Variants in CSMD3 observed in about 807,000 individuals in gnomAD.
CSMD3 encodes CUB and sushi domain-containing protein 3.
In CSMD3, 177 loss-of-function variants were observed where a neutral mutation model predicts 435.2. That is an observed-to-expected ratio of 0.41 (90% CI 0.36 to 0.46). CSMD3 has a LOEUF of 0.46. CSMD3 is among the 20% of genes least tolerant of loss of function. The pLI is 0.34. For missense variants in CSMD3, 4,265 were observed against 4,504.6 expected (o/e 0.95, Z 1.52); for synonymous variants, 1,656 against 1,520.5 (o/e 1.09, Z -2.07).
chr8:112,236,939 T>C (rs773753645), intron 67 of CSMD3, among the ~76,000 whole-genome samples: 1 of 152,154 alleles, frequency 6.6e-6, no homozygotes, highest in South Asian at 2.1e-4. Flanking sequence ...ATCTAATATA[T>C]GACATCTAAT....
chr8:112,947,295 T>A (rs1034483594), intron 9 of CSMD3, among the ~76,000 whole-genome samples: 18 of 151,838 alleles, frequency 1.2e-4, no homozygotes, highest in African/African-American at 4.3e-4. Context: ...AATACTAATT[T>A]GTGATGGATA....
intron 10 of CSMD3, among the ~76,000 whole-genome samples, chr8:112,872,077 A>G (rs2081152023): frequency 6.6e-6 from 1 of 152,072 alleles, no homozygotes; most frequent in Non-Finnish European, 1.5e-5. Context: ...TGTTCTCTGA[A>G]TCAATTAGAA....
chr8:112,554,888 G>A lies in CSMD3; in HGVS notation c.4234+1875C>T, dbSNP rs140080819. ...AGAAAAGTTTCCTTATTTGACTGAG[G>A]CTAAAACATAGCTGTAGAAGATATT... On this transcript the variant is annotated intron_variant, in intron 25 of 70. Coordinates refer to ENST00000297405, the MANE Select transcript of CSMD3 (RefSeq NM_198123.2). Among the ~76,000 whole-genome samples, 77 of 151,990 alleles carry A rather than the reference G, an allele frequency of 5.1e-4. 2 individuals are homozygous for A. The East Asian group carries it at 7.9e-3, about 16-fold the overall frequency.
At chr8:112,255,693 T>C (rs1171921156) in intron 61 of CSMD3, 13 of 446,772 alleles carry the variant, frequency 2.9e-5, no homozygotes, top group Non-Finnish European at 3.6e-5. Flanking sequence ...TTTTGTACTT[T>C]TGTCGTTTTG....
At chr8:112,650,443 G>T (rs2075096422) in intron 18 of CSMD3, 94 bp from the exon 19 acceptor site, 1 of 1,018,128 alleles carries the variant, frequency 9.8e-7, no homozygotes, top group Non-Finnish European at 1.5e-6. Context: ...TACAAGCAAT[G>T]ATTTTTACAA....
At position 113,005,949 on chromosome 8, in the gene CSMD3, A is replaced by G. The variant is rs1196954176; in HGVS notation, c.1030+13118T>C. ...AAATTTTTCCAAACTGCAGCTTACT[A>G]CATGAGTCACACAAGGACAGCTAGC... On this transcript the variant is annotated intron_variant, in intron 6 of 70. Coordinates refer to ENST00000297405, the MANE Select transcript of CSMD3 (RefSeq NM_198123.2). Among the ~76,000 whole-genome samples the G allele has an allele frequency of 2.6e-5, 4 of 152,174 alleles. No homozygotes were observed. In the East Asian group the frequency reaches 7.7e-4, roughly 29 times the overall value.
chr8:113,020,388 TA>T (rs1471689673), intron 5 of CSMD3, among the ~76,000 whole-genome samples: 1 of 152,090 alleles, frequency 6.6e-6, no homozygotes, highest in Non-Finnish European at 1.5e-5. Flanking sequence ...TCATGATTAA[TA>T]TATAAAGTAC....
intron 4 of CSMD3, among the ~76,000 whole-genome samples, chr8:113,145,668 A>G (rs1260179288): frequency 6.6e-6 from 1 of 151,632 alleles, no homozygotes; most frequent in Non-Finnish European, 1.5e-5. Context: ...ATGAATGAAT[A>G]AAGTCCAAAA....
At chr8:112,352,062 T>G (rs943189669) in intron 39 of CSMD3, among the ~76,000 whole-genome samples, 1 of 152,126 alleles carries the variant, frequency 6.6e-6, no homozygotes, top group South Asian at 2.1e-4. Context: ...ATTTTCAAAT[T>G]CTAAAAATCC....
At chr8:112,393,161 T>C (rs1210260592) in intron 35 of CSMD3, among the ~76,000 whole-genome samples, 1 of 152,156 alleles carries the variant, frequency 6.6e-6, no homozygotes, top group African/African-American at 2.4e-5. Context: ...GCTAGGATTA[T>C]AGGCACGAGC....
At chr8:112,602,572 A>T (rs1038521021) in intron 22 of CSMD3, among the ~76,000 whole-genome samples, 1 of 150,604 alleles carries the variant, frequency 6.6e-6, no homozygotes, top group Non-Finnish European at 1.5e-5. Context: ...GTCTCAAAAA[A>T]AAAAAAAAAA....
intron 4 of CSMD3, among the ~76,000 whole-genome samples, chr8:113,146,980 A>T (rs2091689616): frequency 6.6e-6 from 1 of 151,722 alleles, no homozygotes; most frequent in Admixed American, 6.6e-5. Flanking sequence ...TTAAAAGGTG[A>T]TATGCACAAC....
chr8:113,364,060 T>C (rs915527101), intron 1 of CSMD3, among the ~76,000 whole-genome samples: 6 of 152,154 alleles, frequency 3.9e-5, no homozygotes, highest in Non-Finnish European at 8.8e-5. Flanking sequence ...GTAAGGTCTA[T>C]GTCTAAATTT....
At chr8:112,924,949 A>G (rs775623872) in intron 9 of CSMD3, among the ~76,000 whole-genome samples, 19 of 152,156 alleles carry the variant, frequency 1.2e-4, no homozygotes, top group Non-Finnish European at 2.6e-4. Flanking sequence ...ATTAAAATGA[A>G]GTCCTCATAG....
chr8:112,586,951 C>A (rs1830778111), intron 23 of CSMD3, 115 bp downstream of exon 23: 1 of 599,870 alleles, frequency 1.7e-6, no homozygotes, highest in Non-Finnish European at 2.8e-6. Context: ...GTAGAATCAA[C>A]TTACGGTTAA....
chr8:113,072,543 C>G (rs767746224), intron 5 of CSMD3, among the ~76,000 whole-genome samples: 23 of 151,802 alleles, frequency 1.5e-4, no homozygotes, highest in Middle Eastern at 3.2e-3. Context: ...ATCTCATCTA[C>G]TACTACAGCA....
chr8:112,361,594 T>C (rs867147442), intron 38 of CSMD3, among the ~76,000 whole-genome samples: 12,451 of 124,760 alleles, frequency 0.1, 1,798 homozygotes, highest in African/African-American at 0.28. Flanking sequence ...TATATATATA[T>C]ATATATATAT....
chr8:112,621,198 G>A lies in CSMD3; in HGVS notation c.3715+15619C>T, dbSNP rs550060504. 2.6e-5 allele frequency among the ~76,000 whole-genome samples: 4 copies of A among 152,156 alleles called. No homozygotes were observed. The East Asian group carries it at 7.7e-4, about 29-fold the overall frequency. On this transcript the variant is annotated intron_variant, in intron 22 of 70. Transcript: ENST00000297405. ...TGCGGTGAGCTGAGATCATGCCATT[G>A]CACTCCAGCCTGGGCAATAAGAGCG...
intron 38 of CSMD3, among the ~76,000 whole-genome samples, chr8:112,360,461 ACT>A (rs1369870096): frequency 6.6e-6 from 1 of 151,938 alleles, no homozygotes; most frequent in Non-Finnish European, 1.5e-5. Context: ...ATGACACAAA[ACT>A]CTATAAACTA....
Sources: allele counts gnomAD v4.1 joint callset (sites outside exome capture counted in the v4.1 genomes callset), GRCh38; gene constraint gnomAD v4.1.1; transcripts MANE v1.5; gene names NCBI Gene and HGNC (gene_info 2026-07-23, HGNC 2026-07-21).